OTUD7A: variants seen among roughly 807,000 people sequenced by gnomAD.
OTUD7A encodes the protein OTU domain-containing protein 7A.
A neutral mutation model predicts 65.7 loss-of-function variants in OTUD7A; 12 were observed. That is an observed-to-expected ratio of 0.18 (90% CI 0.12 to 0.30). OTUD7A has a LOEUF of 0.30. Among genes scored for constraint, OTUD7A ranks in the 10% least tolerant of loss-of-function variants. OTUD7A has a pLI of 1.00. For missense variants in OTUD7A, 1,148 were observed against 1,304.8 expected, an observed-to-expected ratio of 0.88 and a Z score of 1.85; for synonymous variants, 641 against 586.3, an observed-to-expected ratio of 1.09 and a Z score of -1.35.
chr15:31,860,627 A>ATACATATATATATATATATATATG lies in OTUD7A; in HGVS notation c.-100+9879_-100+9880insCATATATATATATATATATATGTA, dbSNP rs1897696474. On this transcript the variant is annotated intron_variant, in intron 1 of 12. Transcript: ENST00000307050. ...TCCTCGACCCCAGAAGTGGAGATAT[A>ATACATATATATATATATATATATG]TATATATATATATATATGTATGTAT... 3.7e-5 allele frequency among the ~76,000 whole-genome samples: 4 copies of ATACATATATATATATATATATATG among 107,016 alleles called. 1 individual carries two copies. In the South Asian group the frequency reaches 1.6e-3, roughly 43 times the overall value. The allele number at this position is 107,016 out of a possible 152,430, so 70.2% of individuals were successfully genotyped here.
intron 12 of OTUD7A, among the ~76,000 whole-genome samples, chr15:31,485,513 A>C (rs1447428901): frequency 2.6e-5 from 4 of 151,996 alleles, no homozygotes; most frequent in Non-Finnish European, 2.9e-5. Context: ...TTCTTGGATG[A>C]GACCCACTGA....
chr15:31,799,681 CTG>C (rs1313685397), intron 1 of OTUD7A, among the ~76,000 whole-genome samples: 1 of 152,200 alleles, frequency 6.6e-6, no homozygotes, highest in Non-Finnish European at 1.5e-5. Context: ...CCAGAACTGA[CTG>C]TGAGAAATAA....
chr15:31,661,743 A>G (rs1287163327), intron 1 of OTUD7A, among the ~76,000 whole-genome samples: 2 of 152,232 alleles, frequency 1.3e-5, no homozygotes, highest in East Asian at 1.9e-4. Flanking sequence ...TCTTCAGTGC[A>G]ATATCCAGTG....
chr15:31,582,236 G>T (rs35535227), intron 3 of OTUD7A, among the ~76,000 whole-genome samples: 49,864 of 152,014 alleles, frequency 0.33, 10,718 homozygotes, highest in African/African-American at 0.61. Flanking sequence ...TGAACTTTAT[G>T]GTCCATATAA....
chr15:31,636,060 T>A (rs1430357119), intron 3 of OTUD7A, among the ~76,000 whole-genome samples: 3 of 152,244 alleles, frequency 2.0e-5, no homozygotes, highest in Non-Finnish European at 2.9e-5. Context: ...AAAATGCACA[T>A]ATTTAAGTTT....
chr15:31,681,473 A>G lies in OTUD7A; in HGVS notation c.-99-24396T>C, dbSNP rs147900146. Among the ~76,000 whole-genome samples the G allele has an allele frequency of 5.7e-3, 854 of 149,760 alleles. 10 individuals carry two copies. The highest frequency in any genetic ancestry group is 0.028 in the Middle Eastern group (8 of 288). ...TTCTGTCTGTCCATCTGGAGTCTCA[A>G]TGTTTTTCCTTGTCTGTATGTCTTT... On this transcript the variant is annotated intron_variant, in intron 1 of 12. Coordinates refer to ENST00000307050, the MANE Select transcript of OTUD7A (RefSeq NM_001382637.1).
intron 1 of OTUD7A, among the ~76,000 whole-genome samples, chr15:31,865,033 CT>C (rs34170006): frequency 0.58 from 88,046 of 151,890 alleles, 26,004 homozygotes; most frequent in East Asian, 0.69. Context: ...TGGCCCCCCC[CT>C]GGGGTTGTGC....
chr15:31,777,883 C>T (rs1344951759), intron 1 of OTUD7A, among the ~76,000 whole-genome samples: 1 of 152,184 alleles, frequency 6.6e-6, no homozygotes, highest in Non-Finnish European at 1.5e-5. Context: ...CAAGCGGCTG[C>T]ATTTGCAAGC....
At chr15:31,808,916 T>C (rs2140958389) in intron 1 of OTUD7A, among the ~76,000 whole-genome samples, 1 of 152,314 alleles carries the variant, frequency 6.6e-6, no homozygotes, top group Admixed American at 6.5e-5. Flanking sequence ...TGCTTCCTTT[T>C]ACATTGTCTA....
chr15:31,707,761 A>C (rs1012707814), intron 1 of OTUD7A, among the ~76,000 whole-genome samples: 1 of 147,268 alleles, frequency 6.8e-6, no homozygotes, highest in African/African-American at 2.5e-5. Flanking sequence ...TACTGACCAA[A>C]ATTGCATTAC....
chr15:31,675,887 G>A (rs1327628657), intron 1 of OTUD7A, among the ~76,000 whole-genome samples: 2 of 152,156 alleles, frequency 1.3e-5, no homozygotes, highest in Admixed American at 6.6e-5. Context: ...CTTTAATGAG[G>A]TATAGAAAGA....
intron 1 of OTUD7A, among the ~76,000 whole-genome samples, chr15:31,753,715 TA>T (rs1322481979): frequency 0.016 from 1,871 of 117,118 alleles, 112 homozygotes; most frequent in African/African-American, 0.075. Context: ...TATATATATA[TA>T]TATATTATAT....
At chr15:31,859,762 A>G (rs1047050752) in intron 1 of OTUD7A, among the ~76,000 whole-genome samples, 1 of 152,304 alleles carries the variant, frequency 6.6e-6, no homozygotes, top group Non-Finnish European at 1.5e-5. Context: ...CAGAACCTCT[A>G]GAGGAAGTGC....
intron 1 of OTUD7A, among the ~76,000 whole-genome samples, chr15:31,870,124 A>AG: frequency 6.7e-6 from 1 of 149,924 alleles, no homozygotes; most frequent in East Asian, 2.0e-4. Flanking sequence ...GCACGGACCG[A>AG]GGGGTCGGTC....
chr15:31,785,188 A>T (rs1052738838), intron 1 of OTUD7A, among the ~76,000 whole-genome samples: 1 of 152,152 alleles, frequency 6.6e-6, no homozygotes, highest in Non-Finnish European at 1.5e-5. Context: ...CTTTGATGGA[A>T]CCAGACCATG....
chr15:31,815,830 C>A (rs898704023), intron 1 of OTUD7A, among the ~76,000 whole-genome samples: 1 of 152,246 alleles, frequency 6.6e-6, no homozygotes. Context: ...AAAACTTCTA[C>A]AGAGATGAGG....
rs1241975639 is a variant in OTUD7A at position 31,605,224 on chromosome 15, G to A, written c.152-35027C>T. On this transcript the variant is annotated intron_variant, in intron 3 of 12. Coordinates refer to ENST00000307050, the MANE Select transcript of OTUD7A (RefSeq NM_001382637.1). ...GAATGGGTGGTAAATATGTTATGTG[G>A]CATGTGTGTGGCAGGTGTGTGTTGG... Among the ~76,000 whole-genome samples the A allele has an allele frequency of 3.3e-5, 5 of 152,088 alleles. No individual in the cohort carries two copies. In the East Asian group the frequency reaches 7.7e-4, roughly 23 times the overall value.
At position 31,489,496 on chromosome 15, in the gene OTUD7A, C is replaced by T. The variant is rs74010662; in HGVS notation, c.1172-1930G>A. ...GCCACCACTCCATGTCTTAGCCACC[C>T]CGGCCCCAGGATTTAGGGGGAACAG... On this transcript the variant is annotated intron_variant, in intron 10 of 12. Transcript: ENST00000307050. 7.8e-3 allele frequency among the ~76,000 whole-genome samples: 1,180 copies of T among 152,226 alleles called. 12 individuals carry two copies. The highest frequency in any genetic ancestry group is 0.027 in the African/African-American group (1,132 of 41,518).
chr15:31,837,582 T>C (rs1362460088), intron 1 of OTUD7A, among the ~76,000 whole-genome samples: 2 of 151,994 alleles, frequency 1.3e-5, no homozygotes, highest in African/African-American at 4.8e-5. Flanking sequence ...AATGTTTAGG[T>C]ATAAATGGAA....
Sources: gnomAD v4.1 joint callset for allele counts (sites outside exome capture counted in the v4.1 genomes callset) on GRCh38, gnomAD v4.1.1 for gene constraint, MANE v1.5 for transcripts, NCBI Gene and HGNC (gene_info 2026-07-23, HGNC 2026-07-21) for gene names.